SMG6: variants seen among roughly 807,000 people sequenced by gnomAD.
SMG6 encodes the protein telomerase-binding protein EST1A.
A neutral mutation model predicts 142.2 loss-of-function variants in SMG6; 66 were observed. The ratio of observed to expected loss-of-function variants is 0.46; its 90% confidence interval spans 0.38 to 0.57. SMG6 has a LOEUF of 0.57. SMG6 is among the 20% of genes least tolerant of loss of function. The pLI is 0.00. For missense variants in SMG6, 1,793 were observed against 1,832.0 expected (o/e 0.98, Z 0.39); for synonymous variants, 779 against 702.4 (o/e 1.11, Z -1.72).
chr17:2,076,366 C>T (rs1334416099), intron 15 of SMG6, among the ~76,000 whole-genome samples: 2 of 152,188 alleles, frequency 1.3e-5, no homozygotes, highest in African/African-American at 4.8e-5. Context: ...CAATAATGGC[C>T]TCTCCAGCTA....
At chr17:2,120,274 G>A (rs911275808) in intron 13 of SMG6, among the ~76,000 whole-genome samples, 2 of 152,132 alleles carry the variant, frequency 1.3e-5, no homozygotes, top group African/African-American at 2.4e-5. Context: ...GTAAGACACA[G>A]GCTTTGTGAA....
intron 10 of SMG6, among the ~76,000 whole-genome samples, chr17:2,222,519 G>T (rs548328165): frequency 6.2e-4 from 82 of 132,108 alleles, no homozygotes; most frequent in Non-Finnish European, 9.6e-4. Context: ...GAACAGTCGT[G>T]AATGAGCTCA....
At chr17:2,281,774 G>T (rs1332858076) in intron 8 of SMG6, among the ~76,000 whole-genome samples, 1 of 152,044 alleles carries the variant, frequency 6.6e-6, no homozygotes, top group African/African-American at 2.4e-5. Flanking sequence ...CCACCCACTG[G>T]GTGAATTTTA....
chr17:2,249,097 G>A (rs2073989833), intron 8 of SMG6, among the ~76,000 whole-genome samples: 1 of 150,896 alleles, frequency 6.6e-6, no homozygotes, highest in Non-Finnish European at 1.5e-5. Flanking sequence ...GTTTCACCGT[G>A]TTAGCCAGGA....
chr17:2,087,222 A>T, intron 13 of SMG6: 2 of 1,290,126 alleles, frequency 1.6e-6, no homozygotes, highest in South Asian at 1.2e-5. Context: ...CAGTAGGCTC[A>T]CAGTAAAGAC....
intron 13 of SMG6, among the ~76,000 whole-genome samples, chr17:2,107,545 G>C (rs902845691): frequency 3.9e-5 from 6 of 152,088 alleles, no homozygotes; most frequent in African/African-American, 1.2e-4. Flanking sequence ...ACTGTCTCTG[G>C]GCCTCTAGGT....
chr17:2,299,856 G>C lies in SMG6; in HGVS notation c.897C>G (p.Ser299=), dbSNP rs900835681. 1 of 1,614,126 alleles carries C rather than the reference G, an allele frequency of 6.2e-7. No homozygotes were observed. The stretch of plus-strand genomic sequence containing the variant: ...TGTCCTCGTCTAAGGAATCGGTTGA[G>C]GACACAGACACTTGCTTCTTCAGTC... ...RPRLKKQVSV[S]STDSLDEDRI... Residue 299 remains serine (S), a synonymous_variant, in exon 2 of 19, where the codon TCC becomes TCG. Transcript: ENST00000263073. The surrounding 1 kb of genome is among the most constrained non-coding windows in gnomAD (Gnocchi z 4.3).
intron 13 of SMG6, among the ~76,000 whole-genome samples, chr17:2,100,014 C>T (rs1341469601): frequency 2.0e-5 from 3 of 151,612 alleles, no homozygotes; most frequent in Non-Finnish European, 4.4e-5. Context: ...AGGTGCCTGC[C>T]ACCATGCCCA....
chr17:2,260,327 C>A (rs1597729803), intron 8 of SMG6, among the ~76,000 whole-genome samples: 1 of 152,308 alleles, frequency 6.6e-6, no homozygotes, highest in South Asian at 2.1e-4. Context: ...TCACTTTCCC[C>A]CCCCACAGCC....
intron 13 of SMG6, chr17:2,094,802 A>C (rs904671886): frequency 3.9e-5 from 6 of 152,250 alleles, no homozygotes; most frequent in South Asian, 2.1e-4. Context: ...TCCTGAGCTT[A>C]GATGTTCCAA....
intron 13 of SMG6, chr17:2,087,266 G>T: frequency 1.6e-6 from 2 of 1,282,406 alleles, no homozygotes; most frequent in Non-Finnish European, 2.0e-6. Flanking sequence ...GGGTACCACA[G>T]AGAGCAGATG....
chr17:2,214,459 G>A (rs958269172), intron 10 of SMG6: 1 of 151,832 alleles, frequency 6.6e-6, no homozygotes, highest in East Asian at 2.0e-4. Context: ...GGACGGCAAC[G>A]GCTTCTCGGC....
Position 2,125,826 on chromosome 17 carries a change from G to T in SMG6, c.3358-39925C>A, listed in dbSNP as rs554060650. Among the ~76,000 whole-genome samples, 4 of 152,142 alleles carry T rather than the reference G, an allele frequency of 2.6e-5. No homozygotes were observed. The South Asian group carries it at 8.3e-4, about 32-fold the overall frequency. ...AAATCAGCTGGGTGTGGTGGCGCAT[G>T]CCTGTAATCCCAGGTACTTGGGAGG... is the stretch of plus-strand genomic sequence containing the variant. On this transcript the variant is annotated intron_variant, in intron 13 of 18. Transcript: ENST00000263073.
intron 1 of SMG6, 185 bp downstream of exon 1, chr17:2,303,448 A>G: frequency 7.7e-7 from 1 of 1,303,590 alleles, no homozygotes; most frequent in Non-Finnish European, 9.7e-7. Context: ...GGACTGGCCG[A>G]GCCCGACCCC....
intron 8 of SMG6, among the ~76,000 whole-genome samples, chr17:2,255,403 C>CAAAAAAAAAAAA: frequency 1.4e-5 from 1 of 73,598 alleles, no homozygotes; most frequent in Non-Finnish European, 2.6e-5. Flanking sequence ...GACTCCGTCT[C>CAAAAAAAAAAAA]AAAAAAAAAA....
chr17:2,224,815 G>T (rs1270981606), intron 10 of SMG6, among the ~76,000 whole-genome samples: 1 of 152,066 alleles, frequency 6.6e-6, no homozygotes, highest in Non-Finnish European at 1.5e-5. Context: ...TCCAAACCTA[G>T]ACCAATCACC....
chr17:2,168,413 C>G (rs970489945), intron 13 of SMG6, among the ~76,000 whole-genome samples: 1 of 152,016 alleles, frequency 6.6e-6, no homozygotes, highest in Non-Finnish European at 1.5e-5. Flanking sequence ...GAACTCCTAG[C>G]CTCAAGTGAT....
intron 15 of SMG6, among the ~76,000 whole-genome samples, chr17:2,080,430 AAAAC>A (rs1372011328): frequency 3.3e-5 from 5 of 152,166 alleles, no homozygotes; most frequent in Admixed American, 1.3e-4. Flanking sequence ...AACAAAAACA[AAAAC>A]AAACAAACAA....
intron 10 of SMG6, among the ~76,000 whole-genome samples, chr17:2,227,689 G>A (rs2073357605): frequency 6.6e-6 from 1 of 152,194 alleles, no homozygotes. Flanking sequence ...TTGTCAAACT[G>A]ACTGAAGTGC....
Sources: allele counts gnomAD v4.1 joint callset (sites outside exome capture counted in the v4.1 genomes callset), GRCh38; gene constraint gnomAD v4.1.1; non-coding constraint Gnocchi (gnomAD v3.1); transcripts MANE v1.5; gene names NCBI Gene and HGNC (gene_info 2026-07-23, HGNC 2026-07-21).